Variants in IQGAP2 observed in about 807,000 individuals in gnomAD.
IQGAP2 encodes ras GTPase-activating-like protein IQGAP2.
Under a neutral mutation model 201.3 loss-of-function variants are expected in IQGAP2, and 173 were observed. The observed-to-expected ratio is 0.86, with a 90% CI of 0.76 to 0.98. IQGAP2 has a LOEUF of 0.98. IQGAP2 is among the 50% of genes least tolerant of loss of function. The pLI, the probability that IQGAP2 is intolerant of heterozygous loss-of-function variation, is 0.00. For missense variants in IQGAP2, 1,687 were observed against 1,864.8 expected, an observed-to-expected ratio of 0.90 and a Z score of 1.76; for synonymous variants, 675 against 673.9, an observed-to-expected ratio of 1.00 and a Z score of -0.03.
intron 25 of IQGAP2, 87 bp from the exon 26 acceptor site, chr5:76,673,865 T>C: frequency 1.2e-6 from 1 of 835,252 alleles, no homozygotes. Flanking sequence ...ACTACTCAGC[T>C]GAAGTTGACT....
At chr5:76,597,265 A>T in intron 9 of IQGAP2, 174 bp from the exon 10 acceptor site, 1 of 618,466 alleles carries the variant, frequency 1.6e-6, no homozygotes. Context: ...AGATTGGATT[A>T]GTTTGAATTA....
intron 2 of IQGAP2, among the ~76,000 whole-genome samples, chr5:76,559,144 G>A (rs189395726): frequency 2.5e-3 from 373 of 152,080 alleles, no homozygotes; most frequent in Non-Finnish European, 4.2e-3. Flanking sequence ...CTCGTGATCC[G>A]CCCGCCTCAG....
intron 17 of IQGAP2, among the ~76,000 whole-genome samples, chr5:76,647,750 A>C (rs1752171119): frequency 6.6e-6 from 1 of 152,062 alleles, no homozygotes; most frequent in African/African-American, 2.4e-5. Flanking sequence ...TCTGTAGCCA[A>C]AGGACCAAGA....
At chr5:76,675,432 G>A (rs34994307) in intron 27 of IQGAP2, among the ~76,000 whole-genome samples, 4,648 of 152,302 alleles carry the variant, frequency 0.031, 121 homozygotes, top group Non-Finnish European at 0.046. Context: ...TGATGATTGT[G>A]TATGTGAATA....
intron 16 of IQGAP2, among the ~76,000 whole-genome samples, chr5:76,640,573 A>G (rs530969880): frequency 6.6e-6 from 1 of 152,154 alleles, no homozygotes; most frequent in South Asian, 2.1e-4. Flanking sequence ...TGGCAGTCCG[A>G]GGGAAGCGGG....
chr5:76,470,500 A>G (rs1016401294), intron 2 of IQGAP2, among the ~76,000 whole-genome samples: 16 of 152,212 alleles, frequency 1.1e-4, no homozygotes, highest in Non-Finnish European at 1.9e-4. Flanking sequence ...TTAGAAACTC[A>G]ATCAGAAATT....
chr5:76,663,852 G>A (rs904473625), intron 21 of IQGAP2, among the ~76,000 whole-genome samples: 15 of 152,282 alleles, frequency 9.9e-5, no homozygotes, highest in Admixed American at 2.0e-4. Context: ...CTTTTCTTCC[G>A]AAGTTTCCTG....
intron 10 of IQGAP2, among the ~76,000 whole-genome samples, chr5:76,599,655 A>C (rs1747292116): frequency 6.6e-6 from 1 of 152,214 alleles, no homozygotes; most frequent in African/African-American, 2.4e-5. Context: ...TTGAAAGATT[A>C]AACTATCCCT....
intron 14 of IQGAP2, among the ~76,000 whole-genome samples, chr5:76,629,439 G>C (rs574857441): frequency 6.6e-6 from 1 of 152,268 alleles, no homozygotes; most frequent in Middle Eastern, 3.4e-3. Flanking sequence ...AGTAACTCAA[G>C]TCCCTTTCAT....
chr5:76,502,646 G>T (rs1021017433), intron 2 of IQGAP2, among the ~76,000 whole-genome samples: 1 of 152,198 alleles, frequency 6.6e-6, no homozygotes. Context: ...AACTGTGATT[G>T]TGGGAATAGT....
chr5:76,638,959 C>T (rs1751358723), intron 16 of IQGAP2, among the ~76,000 whole-genome samples: 1 of 152,118 alleles, frequency 6.6e-6, no homozygotes, highest in Non-Finnish European at 1.5e-5. Context: ...GGAATCAACC[C>T]TTGTAGCAAG....
intron 12 of IQGAP2, 95 bp downstream of exon 12, chr5:76,606,398 A>G: frequency 8.6e-7 from 1 of 1,164,510 alleles, no homozygotes; most frequent in Non-Finnish European, 1.2e-6. Flanking sequence ...TTTTTGCTCA[A>G]GGAACTTTGT....
rs36087650 is a variant in IQGAP2, at chr5:76,611,132, T to C, written c.1470T>C (p.His490=). The C allele has an allele frequency of 1.9e-3, 3,129 of 1,613,960 alleles. 45 individuals are homozygous for C. In the African/African-American group the frequency reaches 0.033, roughly 17 times the overall value. The change falls in exon 13 of 36, where the codon CAT becomes CAC. Residue 490 remains histidine, a synonymous_variant. Transcript: ENST00000274364. ...TANISDVDPA[H]AQHYQDVLYH... is the part of the protein sequence containing the mutation. ...ATATTAGTGATGTGGACCCAGCCCA[T>C]GCCCAGCACTACCAGGATGTTTTAT... is the stretch of plus-strand genomic sequence containing the variant.
chr5:76,582,102 C>T (rs1157926197), intron 5 of IQGAP2, among the ~76,000 whole-genome samples: 1 of 152,194 alleles, frequency 6.6e-6, no homozygotes, highest in African/African-American at 2.4e-5. Flanking sequence ...CCCATTTTAT[C>T]ACCAAGGCAG....
At chr5:76,451,506 A>T (rs1420649806) in intron 1 of IQGAP2, among the ~76,000 whole-genome samples, 1 of 152,156 alleles carries the variant, frequency 6.6e-6, no homozygotes, top group African/African-American at 2.4e-5. Flanking sequence ...TTCTAATAAG[A>T]TATCATGGCA....
At chr5:76,564,246 A>G (rs1744581205) in intron 3 of IQGAP2, among the ~76,000 whole-genome samples, 1 of 152,246 alleles carries the variant, frequency 6.6e-6, no homozygotes. Flanking sequence ...CTCTCTCCAC[A>G]AAATAAATAT....
rs536482916 is a variant in IQGAP2, at chr5:76,702,534, G to T, written c.4558G>T (p.Asp1520Tyr). 5.0e-6 allele frequency: 8 copies of T among 1,602,078 alleles called. No homozygotes were observed. In the African/African-American group the frequency reaches 8.0e-5, roughly 16 times the overall value. Residue 1520 changes from aspartate to tyrosine, a missense_variant, in exon 35 of 36, where the codon GAT (aspartate) becomes TAT (tyrosine). Transcript: ENST00000274364. ...AGCTACTGAAGATGTAGGCATTTTC[G>T]ATGTAAGATCAAAATTCCTTGGTGT... is the stretch of plus-strand genomic sequence containing the variant. ...IIATEDVGIF[D>Y]VRSKFLGVEM...
At chr5:76,694,855 T>TATTC (rs1210110456) in intron 31 of IQGAP2, among the ~76,000 whole-genome samples, 1 of 152,188 alleles carries the variant, frequency 6.6e-6, no homozygotes, top group Non-Finnish European at 1.5e-5. Context: ...ATCCAAAGAG[T>TATTC]ATTCATTCAT....
chr5:76,698,720 A>G (rs1053609495), intron 33 of IQGAP2, among the ~76,000 whole-genome samples: 4 of 152,214 alleles, frequency 2.6e-5, no homozygotes, highest in Non-Finnish European at 4.4e-5. Context: ...TCACTAGACT[A>G]TGATCAATGC....
Sources: allele counts gnomAD v4.1 joint callset (sites outside exome capture counted in the v4.1 genomes callset), GRCh38; gene constraint gnomAD v4.1.1; transcripts MANE v1.5; gene names NCBI Gene and HGNC (gene_info 2026-07-23, HGNC 2026-07-21).